SDC4: variants seen among roughly 807,000 people sequenced by gnomAD.
SDC4 encodes the protein syndecan 4.
Under a neutral mutation model 20.5 loss-of-function variants are expected in SDC4, and 17 were observed. The observed-to-expected ratio is 0.83, with a 90% CI of 0.57 to 1.25. SDC4 has a LOEUF of 1.25. SDC4 is among the 50% of genes most tolerant of loss of function. The probability of loss-of-function intolerance (pLI) is 0.00; values close to 1 mark genes in which losing one functional copy is unlikely to be tolerated. For synonymous variants in SDC4, 107 were observed against 105.3 expected (o/e 1.02, Z -0.10); for missense variants, 241 against 252.3 (o/e 0.96, Z 0.30).
At chr20:45,337,133 G>T (rs138875484) in intron 1 of SDC4, among the ~76,000 whole-genome samples, 1 of 152,248 alleles carries the variant, frequency 6.6e-6, no homozygotes, top group Non-Finnish European at 1.5e-5. Flanking sequence ...TAGCTCCACC[G>T]AGTGGGAACA....
intron 1 of SDC4, chr20:45,345,928 G>A (rs1174480786): frequency 2.0e-5 from 3 of 152,158 alleles, no homozygotes; most frequent in East Asian, 1.9e-4. Context: ...TGGAACAGTC[G>A]GGGGAACACC....
intron 4 of SDC4, among the ~76,000 whole-genome samples, chr20:45,327,687 C>T (rs960488280): frequency 3.6e-5 from 2 of 55,156 alleles, no homozygotes; most frequent in Non-Finnish European, 3.3e-5. Flanking sequence ...CTCTGTTGCC[C>T]GAGCTGAGTG....
chr20:45,333,220 C>A, intron 2 of SDC4, 151 bp from the exon 3 acceptor site: 1 of 707,132 alleles, frequency 1.4e-6, no homozygotes. Flanking sequence ...TCAGTCATCT[C>A]ATCTGTAAAA....
chr20:45,346,113 T>C (rs980070525), intron 1 of SDC4, among the ~76,000 whole-genome samples: 1 of 152,200 alleles, frequency 6.6e-6, no homozygotes, highest in Non-Finnish European at 1.5e-5. Flanking sequence ...AAAAGTACTC[T>C]ATCACTCCTA....
At chr20:45,342,688 G>A (rs1237321474) in intron 1 of SDC4, among the ~76,000 whole-genome samples, 1 of 152,118 alleles carries the variant, frequency 6.6e-6, no homozygotes, top group African/African-American at 2.4e-5. Flanking sequence ...GCAAGAACAA[G>A]GCTGGGAAGT....
intron 1 of SDC4, among the ~76,000 whole-genome samples, chr20:45,343,931 T>A (rs887953855): frequency 1.3e-5 from 2 of 152,216 alleles, no homozygotes; most frequent in African/African-American, 4.8e-5. Context: ...TGGAGTAGCA[T>A]GACTGAATTC....
In SDC4 at chr20:45,326,466, A is replaced by G. The variant is rs1210101248; in HGVS notation, c.*798T>C. On this transcript the variant is annotated 3_prime_UTR_variant, in exon 5 of 5. Transcript: ENST00000372733. ...TTTTCAAGAAACAAACAAAAACAAA[A>G]ACAAAAACCATTAAATACAAACTTA... 2 of 152,060 alleles carry G rather than the reference A, an allele frequency of 1.3e-5. No homozygotes were observed. Among genetic ancestry groups the G allele is most frequent in the East Asian group, 3.8e-4 (2 of 5,202 alleles). 9.4% of individuals were successfully genotyped at this position (152,060 alleles called of 1,614,324 possible).
Position 45,330,530 on chromosome 20 carries a change from C to T in SDC4, c.281G>A (p.Gly94Glu), listed in dbSNP as rs1987761863. 2.5e-6 allele frequency: 4 copies of T among 1,614,012 alleles called. No individual in the cohort carries two copies. Among genetic ancestry groups the T allele is most frequent in the East Asian group, 2.2e-5 (1 of 44,896 alleles). The change falls in exon 4 of 5, where the codon GGG (glycine) becomes GAG (glutamate). Residue 94 changes from glycine to glutamate, a missense_variant. Gly to Glu is a moderately conservative substitution (Grantham distance 98, BLOSUM62 -2). Coordinates refer to ENST00000372733, the MANE Select transcript of SDC4 (RefSeq NM_002999.4). Reference sequence around the variant, plus strand: ...TTCGGTGGGGACTTGGCTCCCAGACCCTGCCCTCTCAGGGATATGGTTATC... The same window carrying T: ...TTCGGTGGGGACTTGGCTCCCAGACTCTGCCCTCTCAGGGATATGGTTATC... ...PLDNHIPERA[G>E]SGSQVPTEPK...
intron 1 of SDC4, among the ~76,000 whole-genome samples, chr20:45,336,655 T>C (rs971030476): frequency 4.6e-5 from 7 of 151,920 alleles, no homozygotes; most frequent in African/African-American, 1.7e-4. Flanking sequence ...CACAGGGCCC[T>C]GGGATGCTAC....
chr20:45,336,283 T>C (rs1266305103), intron 1 of SDC4, among the ~76,000 whole-genome samples: 1 of 152,008 alleles, frequency 6.6e-6, no homozygotes, highest in Non-Finnish European at 1.5e-5. Context: ...CGTGGTGGCT[T>C]ACGCCTGTAG....
In SDC4 at chr20:45,330,394, G is replaced by C; in HGVS notation, c.417C>G (p.Asn139Lys). 1.2e-6 allele frequency: 2 copies of C among 1,614,178 alleles called. No homozygotes were observed. The highest frequency in any genetic ancestry group is 1.7e-6 in the Non-Finnish European group (2 of 1,180,038). The change falls in exon 4 of 5, where the codon AAC (asparagine) becomes AAG (lysine). Residue 139 changes from asparagine to lysine, a missense_variant. Transcript: ENST00000372733. ...VSMSSTVQGS[N>K]IFERTEVLAA... ...CCAGGACCTCCGTTCTCTCAAAGAT[G>C]TTGCTGCCCTGCACAGTGCTGGACA...
At chr20:45,339,383 A>C (rs1413278742) in intron 1 of SDC4, among the ~76,000 whole-genome samples, 1 of 152,240 alleles carries the variant, frequency 6.6e-6, no homozygotes, top group Non-Finnish European at 1.5e-5. Context: ...GTATACATGC[A>C]CAGGCACCCT....
At position 45,335,781 on chromosome 20, in the gene SDC4, C is replaced by A; in HGVS notation, c.199+1G>T. The A allele has an allele frequency of 6.2e-7, 1 of 1,613,608 alleles. No homozygotes were observed. Among genetic ancestry groups the A allele is most frequent in the Non-Finnish European group, 8.5e-7 (1 of 1,179,840 alleles). On this transcript the variant is annotated splice_donor_variant, in intron 2 of 4. Transcript: ENST00000372733. LOFTEE classifies it high-confidence loss of function. ...ACGCCTGCCCAGCACACCTTCCGTA[C>A]CCAGATCTCCAGAGCCAGACAGCTC... is the stretch of plus-strand genomic sequence containing the variant.
rs185277932 is a variant in SDC4 at position 45,325,782 on chromosome 20, A to G, written c.*1482T>C. On this transcript the variant is annotated 3_prime_UTR_variant, in exon 5 of 5. Coordinates refer to ENST00000372733, the MANE Select transcript of SDC4 (RefSeq NM_002999.4). ...ATGAACTACATACAGTGACGCCTCT[A>G]GAAACGTGGTTAGTGCAACTGAGGA... 2 of 152,440 alleles carry G rather than the reference A, an allele frequency of 1.3e-5. No homozygotes were observed. The highest frequency in any genetic ancestry group is 1.3e-4 in the Admixed American group (2 of 15,306). 9.4% of individuals were successfully genotyped at this position (152,440 alleles called of 1,614,324 possible).
intron 1 of SDC4, among the ~76,000 whole-genome samples, chr20:45,343,388 T>C (rs1201535232): frequency 6.6e-6 from 1 of 151,856 alleles, no homozygotes; most frequent in Non-Finnish European, 1.5e-5. Context: ...GGGTAGAAAC[T>C]CTGCCCCTCC....
intron 2 of SDC4, among the ~76,000 whole-genome samples, 192 bp downstream of exon 2, chr20:45,335,590 T>A (rs146108888): frequency 7.2e-5 from 11 of 152,072 alleles, no homozygotes; most frequent in Admixed American, 2.6e-4. Flanking sequence ...AAACAGCTTG[T>A]CCCCAGGGGC....
intron 1 of SDC4, 92 bp downstream of exon 1, chr20:45,348,233 C>G: frequency 1.1e-6 from 1 of 913,152 alleles, no homozygotes. Context: ...TACCCCCGAT[C>G]TGCCCCCCCC....
rs1988046215 is a variant in SDC4 at position 45,347,311 on chromosome 20, A to AGGGCACAAAGG, written c.60+1003_60+1013dup. ...CACTCGCTCTGAAAACTGGGGCTAAAGGGCACAAAGGGGGCACAAAGCTCA... is the reference window on the plus strand; with the variant it reads ...CACTCGCTCTGAAAACTGGGGCTAAAGGGCACAAAGGGGGCACAAAGGGGGCACAAAGCTCA... On this transcript the variant is annotated intron_variant, in intron 1 of 4. Coordinates refer to ENST00000372733, the MANE Select transcript of SDC4 (RefSeq NM_002999.4). 2.6e-5 allele frequency among the ~76,000 whole-genome samples: 4 copies of AGGGCACAAAGG among 152,346 alleles called. No individual in the cohort carries two copies. The South Asian group carries it at 6.2e-4, about 24-fold the overall frequency.
At chr20:45,348,235 G>GCC (rs5841588) in intron 1 of SDC4, 90 bp downstream of exon 1, 10,306 of 888,372 alleles carry the variant, frequency 0.012, 211 homozygotes, top group African/African-American at 0.074. Context: ...CCCCCGATCT[G>GCC]CCCCCCCCCA....
Sources: gnomAD v4.1 joint callset for allele counts (sites outside exome capture counted in the v4.1 genomes callset) on GRCh38, gnomAD v4.1.1 for gene constraint, MANE v1.5 for transcripts, NCBI Gene and HGNC (gene_info 2026-07-23, HGNC 2026-07-21) for gene names.